SH3TC2: variants seen among roughly 807,000 people sequenced by gnomAD.
SH3TC2 encodes SH3 domain and tetratricopeptide repeats 2, also known as SH3 domain and tetratricopeptide repeat-containing protein 2.
In SH3TC2, 87 loss-of-function variants were observed where a neutral mutation model predicts 124.5. That is an observed-to-expected ratio of 0.70 (90% CI 0.59 to 0.84). The LOEUF (loss-of-function observed/expected upper bound fraction) is 0.84, where lower values mean the gene tolerates loss of function less well. Ranked by LOEUF, SH3TC2 falls within the 40% of genes least tolerant of loss-of-function variation. The probability of loss-of-function intolerance (pLI) is 0.00; values close to 1 mark genes in which losing one functional copy is unlikely to be tolerated. For missense variants in SH3TC2, 1,536 were observed against 1,566.4 expected (o/e 0.98, Z 0.33); for synonymous variants, 634 against 628.5 (o/e 1.01, Z -0.13).
At chr5:149,044,150 T>C (rs906894287) in intron 4 of SH3TC2, 2 of 226,732 alleles carry the variant, frequency 8.8e-6, no homozygotes, top group Non-Finnish European at 1.8e-5. Context: ...CTATTGACTA[T>C]GTTGAGCAGC....
At chr5:149,029,093 C>T (rs571203592) in intron 9 of SH3TC2, among the ~76,000 whole-genome samples, 7 of 152,292 alleles carry the variant, frequency 4.6e-5, no homozygotes, top group East Asian at 1.9e-4. Flanking sequence ...AATCTCTCAG[C>T]GAGTTCACGA....
At chr5:149,062,856 C>A (rs945899512) in intron 1 of SH3TC2, 115 bp downstream of exon 1, 3 of 1,014,788 alleles carry the variant, frequency 3.0e-6, no homozygotes, top group Admixed American at 2.0e-5. Context: ...CCAGAAAGCA[C>A]AATCATCTCC....
intron 2 of SH3TC2, 51 bp from the exon 3 acceptor site, chr5:149,048,040 A>T: frequency 1.2e-6 from 2 of 1,610,590 alleles, no homozygotes; most frequent in Non-Finnish European, 1.7e-6. Context: ...AATAAAAAGG[A>T]AGAAAGAGTT....
intron 1 of SH3TC2, among the ~76,000 whole-genome samples, chr5:149,054,964 G>A (rs1052490943): frequency 3.9e-5 from 6 of 152,180 alleles, no homozygotes; most frequent in Non-Finnish European, 8.8e-5. Context: ...GGATTTGTGA[G>A]GCTTAGGGCA....
At chr5:149,012,869 T>C in intron 12 of SH3TC2, 135 bp from the exon 13 acceptor site, 1 of 976,608 alleles carries the variant, frequency 1.0e-6, no homozygotes, top group Non-Finnish European at 1.6e-6. Context: ...CCTGATTGAA[T>C]GCCAGCTCTA....
At position 149,028,460 on chromosome 5, in the gene SH3TC2, G is replaced by C. The variant is rs377342074; in HGVS notation, c.1272C>G (p.Asp424Glu). ...VGSRQSSSSEDSSLEEELLSA... is the reference protein window; with the variant it reads ...VGSRQSSSSEESSLEEELLSA... ...AGAGGAGCTCCTCCTCCAGGCTGGAGTCCTCAGAGCTGCTGGACTGTCTGG... is the reference window on the plus strand; with the variant it reads ...AGAGGAGCTCCTCCTCCAGGCTGGACTCCTCAGAGCTGCTGGACTGTCTGG... The change falls in exon 11 of 17, where the codon GAC (aspartate) becomes GAG (glutamate). Residue 424 changes from aspartate (D) to glutamate (E), a missense_variant. Physicochemically the swap from Asp to Glu is conservative, Grantham distance 45. Coordinates refer to ENST00000515425, the MANE Select transcript of SH3TC2 (RefSeq NM_024577.4). The C allele has an allele frequency of 9.9e-6, 16 of 1,612,832 alleles. No individual in the cohort carries two copies. The highest frequency in any genetic ancestry group is 7.7e-5 in the South Asian group (7 of 91,016).
chr5:149,012,478 G>T (rs1215644350), intron 13 of SH3TC2, 106 bp downstream of exon 13: 3 of 1,433,494 alleles, frequency 2.1e-6, no homozygotes, highest in African/African-American at 1.4e-5. Flanking sequence ...CAGGCTTAGG[G>T]TGAACATCAT....
rs115722370 is a variant in SH3TC2, at chr5:148,989,650, G to A, written c.*15061C>T. Among the ~76,000 whole-genome samples the A allele has an allele frequency of 5.4e-3, 824 of 152,202 alleles. 8 individuals are homozygous for A. The highest frequency in any genetic ancestry group is 0.018 in the African/African-American group (764 of 41,524). On this transcript the variant is annotated 3_prime_UTR_variant, in exon 17 of 17. Transcript: ENST00000515425. ...ATGTTGGTACAATTCTGTATTGTCCGGTTTGCACTGATAATAAAACAGTCT... is the reference window on the plus strand; with the variant it reads ...ATGTTGGTACAATTCTGTATTGTCCAGTTTGCACTGATAATAAAACAGTCT...
intron 15 of SH3TC2, chr5:149,008,637 G>C (rs1753731063): frequency 3.2e-6 from 2 of 627,908 alleles, no homozygotes; most frequent in Non-Finnish European, 5.6e-6. Flanking sequence ...CAACTACCAT[G>C]AGGTGGGCAC....
chr5:149,044,838 G>A, intron 3 of SH3TC2, 200 bp from the exon 4 acceptor site: 1 of 542,914 alleles, frequency 1.8e-6, no homozygotes, highest in Non-Finnish European at 3.3e-6. Context: ...GTGAAATATT[G>A]TATTATGCAG....
rs1753802212 is a variant in SH3TC2 at position 149,012,599 on chromosome 5, C to T, written c.3189G>A (p.Val1063=). The part of the protein sequence containing the change: ...LHYLMQEDEL[V]ELCLQAAIQT... ...GGAGGCCTACCTGCAGGCACAGCTC[C>T]ACCAGCTCGTCTTCCTGCATGAGGT... The change falls in exon 13 of 17, where the codon GTG becomes GTA. Residue 1063 remains valine, a synonymous_variant. Transcript: ENST00000515425. The T allele has an allele frequency of 6.2e-7, 1 of 1,614,154 alleles. No homozygotes were observed. The highest frequency in any genetic ancestry group is 1.1e-5 in the South Asian group (1 of 91,084).
chr5:149,016,793 C>T (rs1160441999), intron 12 of SH3TC2, among the ~76,000 whole-genome samples: 1 of 151,778 alleles, frequency 6.6e-6, no homozygotes, highest in Non-Finnish European at 1.5e-5. Flanking sequence ...GGCGTGGTGG[C>T]GGGCGCCTGT....
chr5:149,045,264 T>C (rs1007676117), intron 3 of SH3TC2: 1 of 152,350 alleles, frequency 6.6e-6, no homozygotes, highest in African/African-American at 2.4e-5. Context: ...CAATCTTCTT[T>C]TGCTGCTAAG....
intron 16 of SH3TC2, 120 bp from the exon 17 acceptor site, chr5:149,005,022 C>T (rs1472333648): frequency 8.5e-7 from 1 of 1,169,988 alleles, no homozygotes; most frequent in Non-Finnish European, 1.2e-6. Flanking sequence ...GTTTGTTTGC[C>T]CAACATCCAA....
intron 4 of SH3TC2, among the ~76,000 whole-genome samples, chr5:149,043,302 T>C (rs548404850): frequency 6.6e-6 from 1 of 152,290 alleles, no homozygotes; most frequent in South Asian, 2.1e-4. Context: ...CAGGATTTCC[T>C]TCCACCCACC....
At chr5:149,006,586 C>T (rs898582134) in intron 16 of SH3TC2, among the ~76,000 whole-genome samples, 5 of 152,034 alleles carry the variant, frequency 3.3e-5, no homozygotes, top group African/African-American at 1.2e-4. Context: ...AGGCAATGTG[C>T]CTGTAGTATC....
intron 1 of SH3TC2, among the ~76,000 whole-genome samples, chr5:149,060,884 G>A (rs561777426): frequency 3.9e-5 from 6 of 152,352 alleles, no homozygotes; most frequent in South Asian, 4.1e-4. Flanking sequence ...CAAAAAACAT[G>A]AGGGACTTGC....
chr5:149,033,202 C>G (rs1754226793), intron 8 of SH3TC2, among the ~76,000 whole-genome samples: 1 of 152,154 alleles, frequency 6.6e-6, no homozygotes, highest in Non-Finnish European at 1.5e-5. Flanking sequence ...CTCACAACAT[C>G]TGCTAAAGTC....
intron 13 of SH3TC2, 99 bp from the exon 14 acceptor site, chr5:149,010,491 T>C: frequency 1.3e-6 from 2 of 1,533,822 alleles, no homozygotes; most frequent in Non-Finnish European, 1.8e-6. Context: ...AATCAACTAA[T>C]CCTCTGCTAA....
Sources: gnomAD v4.1 joint callset for allele counts (sites outside exome capture counted in the v4.1 genomes callset) on GRCh38, gnomAD v4.1.1 for gene constraint, MANE v1.5 for transcripts, NCBI Gene and HGNC (gene_info 2026-07-23, HGNC 2026-07-21) for gene names.